Variants in HECW2 observed in about 807,000 individuals in gnomAD.
HECW2 encodes E3 ubiquitin-protein ligase HECW2.
In HECW2, 61 loss-of-function variants were observed where a neutral mutation model predicts 175.2. The observed-to-expected ratio is 0.35, with a 90% confidence interval of 0.28 to 0.43. The LOEUF (loss-of-function observed/expected upper bound fraction) is 0.43. Among genes scored for constraint, HECW2 ranks in the 20% least tolerant of loss-of-function variants. The pLI is 1.00. For synonymous variants in HECW2, 671 were observed against 731.0 expected, an observed-to-expected ratio of 0.92 and a Z score of 1.32; for missense variants, 1,524 against 2,000.5, an observed-to-expected ratio of 0.76 and a Z score of 4.54.
rs778286323 is a variant in HECW2 at position 196,318,546 on chromosome 2, T to C, written c.2338+6A>G. ...GCCAAGAGCCACAGTGGTGTCCATA[T>C]CCTACCTCCAGTAGCGCCCTCCTCC... On this transcript the variant is annotated splice_donor_region_variant and intron_variant, in intron 9 of 28. Coordinates refer to ENST00000644978, the MANE Select transcript of HECW2 (RefSeq NM_001348768.2). The C allele has an allele frequency of 2.7e-6, 4 of 1,499,598 alleles. No homozygotes were observed. Among genetic ancestry groups the C allele is most frequent in the Non-Finnish European group, 3.6e-6 (4 of 1,124,158 alleles). The allele number at this position is 1,499,598 out of a possible 1,614,324, so 92.9% of individuals were successfully genotyped here.
intron 13 of HECW2, among the ~76,000 whole-genome samples, chr2:196,299,152 C>T (rs1024529356): frequency 6.7e-6 from 1 of 148,260 alleles, no homozygotes; most frequent in African/African-American, 2.5e-5. Context: ...TATAAATGTA[C>T]AGCATGGATC....
At chr2:196,312,229 C>A (rs2105730808) in intron 10 of HECW2, among the ~76,000 whole-genome samples, 1 of 129,974 alleles carries the variant, frequency 7.7e-6, no homozygotes, top group East Asian at 2.4e-4. Flanking sequence ...GCATGAATTA[C>A]AACGTATCAG....
chr2:196,334,173 T>G (rs559463932), intron 4 of HECW2, among the ~76,000 whole-genome samples: 18 of 152,330 alleles, frequency 1.2e-4, no homozygotes, highest in African/African-American at 4.3e-4. Flanking sequence ...CTTTGCTTCA[T>G]GAATGGGTTC....
intron 2 of HECW2, among the ~76,000 whole-genome samples, chr2:196,355,904 T>C (rs946395792): frequency 1.3e-5 from 2 of 152,070 alleles, no homozygotes; most frequent in Non-Finnish European, 2.9e-5. Context: ...TTTACATAGG[T>C]TGGTCAGGGA....
chr2:196,571,241 C>T (rs1233691101), intron 1 of HECW2, among the ~76,000 whole-genome samples: 1 of 152,176 alleles, frequency 6.6e-6, no homozygotes. Flanking sequence ...CCTGACATGG[C>T]TTTGTGTCAT....
At chr2:196,458,972 A>T (rs1018117320) in intron 1 of HECW2, among the ~76,000 whole-genome samples, 3 of 152,238 alleles carry the variant, frequency 2.0e-5, no homozygotes, top group East Asian at 1.9e-4. Context: ...TTATATGTCC[A>T]GTTCCATGTT....
intron 1 of HECW2, among the ~76,000 whole-genome samples, chr2:196,578,387 A>G (rs1690636241): frequency 6.6e-6 from 1 of 152,190 alleles, no homozygotes; most frequent in African/African-American, 2.4e-5. Flanking sequence ...ACCCACAAGC[A>G]AAGCAACATA....
intron 1 of HECW2, among the ~76,000 whole-genome samples, chr2:196,456,603 A>T (rs1325797330): frequency 1.3e-5 from 2 of 152,228 alleles, no homozygotes; most frequent in African/African-American, 4.8e-5. Flanking sequence ...CACTGCAATC[A>T]GCAAATAAGA....
At chr2:196,268,991 C>T (rs1035927930) in intron 17 of HECW2, among the ~76,000 whole-genome samples, 6 of 152,128 alleles carry the variant, frequency 3.9e-5, no homozygotes, top group African/African-American at 1.4e-4. Context: ...TCTTCACTTG[C>T]ATAATTATTA....
intron 1 of HECW2, among the ~76,000 whole-genome samples, chr2:196,502,566 T>C (rs1264970006): frequency 2.0e-5 from 3 of 152,244 alleles, no homozygotes; most frequent in African/African-American, 7.2e-5. Flanking sequence ...TGACTGATTA[T>C]GTTATACATA....
At chr2:196,438,009 G>A (rs1695932690) in intron 1 of HECW2, among the ~76,000 whole-genome samples, 1 of 152,160 alleles carries the variant, frequency 6.6e-6, no homozygotes, top group South Asian at 2.1e-4. Flanking sequence ...ACAGAGTTGG[G>A]TTTGTTTGCT....
At chr2:196,572,713 G>C (rs1690429331) in intron 1 of HECW2, among the ~76,000 whole-genome samples, 1 of 152,192 alleles carries the variant, frequency 6.6e-6, no homozygotes, top group Non-Finnish European at 1.5e-5. Context: ...TAGGTCACAA[G>C]GGTAGAGCCT....
intron 1 of HECW2, among the ~76,000 whole-genome samples, chr2:196,496,055 ACT>A (rs1335888864): frequency 7.2e-5 from 11 of 152,098 alleles, no homozygotes; most frequent in African/African-American, 2.7e-4. Context: ...AATATAAGAA[ACT>A]CTAATTATAA....
chr2:196,326,804 G>A (rs575630845), intron 5 of HECW2, among the ~76,000 whole-genome samples: 4 of 152,206 alleles, frequency 2.6e-5, no homozygotes, highest in South Asian at 2.1e-4. Context: ...AGGAAAAGAC[G>A]GGTAAAGAAC....
intron 1 of HECW2, among the ~76,000 whole-genome samples, chr2:196,472,320 C>A (rs1185559784): frequency 6.6e-6 from 1 of 151,216 alleles, no homozygotes; most frequent in Non-Finnish European, 1.5e-5. Flanking sequence ...CCTGTCTCTA[C>A]TAAAAATACA....
intron 2 of HECW2, among the ~76,000 whole-genome samples, chr2:196,383,862 G>A (rs769365767): frequency 1.3e-5 from 2 of 152,104 alleles, no homozygotes; most frequent in Non-Finnish European, 2.9e-5. Flanking sequence ...TTTATTTCAC[G>A]GCAAAAGGTT....
intron 2 of HECW2, among the ~76,000 whole-genome samples, chr2:196,370,593 C>G (rs1486210247): frequency 1.3e-5 from 2 of 152,176 alleles, no homozygotes; most frequent in Non-Finnish European, 2.9e-5. Context: ...AGCACCAGGA[C>G]TTGCCCAGGA....
At chr2:196,581,883 G>A (rs563337241) in intron 1 of HECW2, among the ~76,000 whole-genome samples, 2 of 152,016 alleles carry the variant, frequency 1.3e-5, no homozygotes, top group South Asian at 2.1e-4. Context: ...TGGCTAACAC[G>A]GTGAAACCCT....
At chr2:196,566,566 T>C (rs1690196403) in intron 1 of HECW2, among the ~76,000 whole-genome samples, 1 of 151,152 alleles carries the variant, frequency 6.6e-6, no homozygotes, top group South Asian at 2.1e-4. Flanking sequence ...AATCTCGTTC[T>C]TGCTGCCCAG....
Sources: allele counts gnomAD v4.1 joint callset (sites outside exome capture counted in the v4.1 genomes callset), GRCh38; gene constraint gnomAD v4.1.1; transcripts MANE v1.5; gene names NCBI Gene and HGNC (gene_info 2026-07-23, HGNC 2026-07-21).